Variants in ARHGAP42 observed in about 807,000 individuals in gnomAD.
The protein encoded by ARHGAP42 is rho GTPase-activating protein 42.
In ARHGAP42, 63 loss-of-function variants were observed where a neutral mutation model predicts 125.0. That is an observed-to-expected ratio of 0.50 (90% CI 0.41 to 0.62). The LOEUF is 0.62. ARHGAP42 is among the 20% of genes least tolerant of loss of function. The pLI is 0.00. For missense variants in ARHGAP42, 766 were observed against 1,024.2 expected, an observed-to-expected ratio of 0.75 and a Z score of 3.44; for synonymous variants, 339 against 351.0, an observed-to-expected ratio of 0.97 and a Z score of 0.38.
chr11:100,792,006 C>T (rs898349908), intron 2 of ARHGAP42, among the ~76,000 whole-genome samples: 3 of 152,138 alleles, frequency 2.0e-5, no homozygotes, highest in Non-Finnish European at 4.4e-5. Context: ...GACAACTTCA[C>T]GATTTGCTCT....
intron 4 of ARHGAP42, among the ~76,000 whole-genome samples, chr11:100,885,864 A>G (rs1475145841): frequency 6.6e-6 from 1 of 152,250 alleles, no homozygotes; most frequent in Non-Finnish European, 1.5e-5. Flanking sequence ...GTTGAATTAC[A>G]TAATGTAAAT....
At position 100,979,135 on chromosome 11, in the gene ARHGAP42, C is replaced by T. The variant is rs779083499; in HGVS notation, c.2456+86C>T. Reference sequence around the variant, plus strand: ...TGACATGACACTCTCTGTGACAGCTCCGCCTCTCCATTATGCAGATGGTCA... The same window carrying T: ...TGACATGACACTCTCTGTGACAGCTTCGCCTCTCCATTATGCAGATGGTCA... On this transcript the variant is annotated intron_variant, in intron 22 of 23. Coordinates refer to ENST00000298815, the MANE Select transcript of ARHGAP42 (RefSeq NM_152432.4). 3 of 1,317,020 alleles carry T rather than the reference C, an allele frequency of 2.3e-6. No individual in the cohort carries two copies. In the South Asian group the frequency reaches 3.8e-5, roughly 17 times the overall value. The allele number at this position is 1,317,020 out of a possible 1,614,324, so 81.6% of individuals were successfully genotyped here. A position where few individuals can be genotyped will look rare whatever the true frequency, so the allele number is the denominator to read the frequency against.
At chr11:100,941,343 A>G (rs1867879954) in intron 8 of ARHGAP42, among the ~76,000 whole-genome samples, 2 of 152,300 alleles carry the variant, frequency 1.3e-5, no homozygotes, top group South Asian at 4.1e-4. Context: ...ATGGGAAGGC[A>G]CTAGAGGGTT....
intron 8 of ARHGAP42, among the ~76,000 whole-genome samples, chr11:100,938,254 C>A (rs574286651): frequency 1.3e-5 from 2 of 152,172 alleles, no homozygotes; most frequent in Admixed American, 1.3e-4. Flanking sequence ...CAGTGACCTC[C>A]TAACTGTTCA....
At chr11:100,891,287 C>G (rs1247325061) in intron 4 of ARHGAP42, among the ~76,000 whole-genome samples, 1 of 152,128 alleles carries the variant, frequency 6.6e-6, no homozygotes, top group African/African-American at 2.4e-5. Context: ...TGTCCCTCCT[C>G]CCTCTTCGGT....
At chr11:100,860,322 C>T (rs1450588729) in intron 4 of ARHGAP42, among the ~76,000 whole-genome samples, 2 of 152,100 alleles carry the variant, frequency 1.3e-5, no homozygotes, top group Non-Finnish European at 2.9e-5. Context: ...ATTATTTCTA[C>T]TCCTTTCCTC....
chr11:100,890,848 G>T (rs1866199673), intron 4 of ARHGAP42, among the ~76,000 whole-genome samples: 1 of 152,164 alleles, frequency 6.6e-6, no homozygotes, highest in Non-Finnish European at 1.5e-5. Context: ...AGCTAAAATA[G>T]TATCGTGTTT....
chr11:100,954,764 G>C (rs10895034), intron 12 of ARHGAP42, among the ~76,000 whole-genome samples: 133,921 of 151,830 alleles, frequency 0.88, 59,144 homozygotes, highest in East Asian at 1. Context: ...AATGAAAGAA[G>C]AATTTGGGCC....
rs1221066724 is a variant in ARHGAP42 at position 100,961,711 on chromosome 11, T to C, written c.1328T>C (p.Ile443Thr). ...CCTAAATCCCCTCCTGATATTGATA[T>C]TGATATTGAACTGTGGGACAATAAG... ...FSPKSPPDID[I>T]DIELWDNKTI... Residue 443 changes from isoleucine to threonine, a missense_variant, in exon 15 of 24, where the codon ATT (isoleucine) becomes ACT (threonine). Around this residue, in one of 3 missense-constraint regions of ARHGAP42, gnomAD observed 455 missense variants for 636.5 expected, o/e 0.71. Coordinates refer to ENST00000298815, the MANE Select transcript of ARHGAP42 (RefSeq NM_152432.4). 2.6e-6 allele frequency: 4 copies of C among 1,551,666 alleles called. No homozygotes were observed. Among genetic ancestry groups the C allele is most frequent in the Admixed American group, 2.0e-5 (1 of 50,966 alleles).
At chr11:100,914,594 C>G (rs1343935439) in intron 5 of ARHGAP42, among the ~76,000 whole-genome samples, 1 of 152,122 alleles carries the variant, frequency 6.6e-6, no homozygotes, top group East Asian at 1.9e-4. Context: ...AAGTGAACAC[C>G]ATTAGTAGGG....
intron 3 of ARHGAP42, among the ~76,000 whole-genome samples, chr11:100,822,927 A>G (rs1158696803): frequency 1.3e-5 from 2 of 152,090 alleles, no homozygotes; most frequent in Non-Finnish European, 1.5e-5. Context: ...GCCAAAAGTG[A>G]GAAGGTTAAG....
chr11:100,839,917 C>T (rs576967408), intron 3 of ARHGAP42: 58 of 152,194 alleles, frequency 3.8e-4, no homozygotes, highest in African/African-American at 1.3e-3. Context: ...GAATGATTTC[C>T]CAAACTTCTC....
At chr11:100,852,096 A>G (rs1012700313) in intron 3 of ARHGAP42, among the ~76,000 whole-genome samples, 2 of 152,042 alleles carry the variant, frequency 1.3e-5, no homozygotes, top group Non-Finnish European at 2.9e-5. Flanking sequence ...ATTTATGTAC[A>G]TCTGTATCCT....
intron 12 of ARHGAP42, among the ~76,000 whole-genome samples, chr11:100,952,954 C>G (rs558489677): frequency 6.6e-6 from 1 of 152,148 alleles, no homozygotes; most frequent in South Asian, 2.1e-4. Flanking sequence ...ATGTTGGTAT[C>G]AAACTCCTGT....
At chr11:100,965,119 G>T (rs1007680173) in intron 16 of ARHGAP42, among the ~76,000 whole-genome samples, 12 of 152,072 alleles carry the variant, frequency 7.9e-5, no homozygotes, top group Non-Finnish European at 1.5e-4. Context: ...CAGATCTTGT[G>T]AGAACTCACT....
chr11:100,872,779 G>A (rs1865727074), intron 4 of ARHGAP42, among the ~76,000 whole-genome samples: 1 of 152,066 alleles, frequency 6.6e-6, no homozygotes, highest in Non-Finnish European at 1.5e-5. Flanking sequence ...TGATTAGCAT[G>A]CCATCATCTG....
At chr11:100,961,605 C>T (rs1032341710) in intron 14 of ARHGAP42, 79 bp from the exon 15 acceptor site, 16 of 1,240,284 alleles carry the variant, frequency 1.3e-5, no homozygotes, top group Middle Eastern at 1.9e-4. Flanking sequence ...GACCTACTTA[C>T]GTTTGTGCCC....
At chr11:100,860,689 G>A (rs1865425967) in intron 4 of ARHGAP42, among the ~76,000 whole-genome samples, 2 of 152,004 alleles carry the variant, frequency 1.3e-5, no homozygotes, top group Admixed American at 6.6e-5. Context: ...CCTTATATAG[G>A]CCTTTCTCAT....
chr11:100,914,566 G>A (rs1324141622), intron 5 of ARHGAP42, among the ~76,000 whole-genome samples: 7 of 152,064 alleles, frequency 4.6e-5, no homozygotes, highest in East Asian at 3.9e-4. Flanking sequence ...TCTCTCCTCC[G>A]CCTCCTGGTG....
Sources: gnomAD v4.1 joint callset for allele counts (sites outside exome capture counted in the v4.1 genomes callset) on GRCh38, gnomAD v4.1.1 for gene constraint, gnomAD v4.1.1 regional missense constraint, MANE v1.5 for transcripts, NCBI Gene and HGNC (gene_info 2026-07-23, HGNC 2026-07-21) for gene names.